Variants in SRGAP3 observed in about 807,000 individuals in gnomAD.
SRGAP3 encodes the protein SLIT-ROBO Rho GTPase activating protein 3, also known as SLIT-ROBO Rho GTPase-activating protein 3.
In SRGAP3, 39 loss-of-function variants were observed where a neutral mutation model predicts 121.1. That is an observed-to-expected ratio of 0.32 (90% CI 0.25 to 0.42). The LOEUF (loss-of-function observed/expected upper bound fraction) is 0.42. Ranked by LOEUF, SRGAP3 falls within the 10% of genes least tolerant of loss-of-function variation. The pLI is 1.00. For missense variants in SRGAP3, 1,213 were observed against 1,470.6 expected (o/e 0.82, Z 2.86); for synonymous variants, 601 against 570.0 (o/e 1.05, Z -0.77).
chr3:9,066,247 C>T (rs1428286011), intron 4 of SRGAP3, among the ~76,000 whole-genome samples: 1 of 152,188 alleles, frequency 6.6e-6, no homozygotes, highest in African/African-American at 2.4e-5. Flanking sequence ...AGTGTATGAT[C>T]ATCTTTCTAT....
intron 21 of SRGAP3, among the ~76,000 whole-genome samples, chr3:8,987,700 G>C (rs1176697513): frequency 1.5e-5 from 2 of 129,160 alleles, no homozygotes; most frequent in Non-Finnish European, 3.0e-5. Context: ...GCTTCTCCAG[G>C]ATGTTTCATC....
intron 18 of SRGAP3, chr3:9,007,438 C>T (rs1387905429): frequency 6.6e-6 from 1 of 152,122 alleles, no homozygotes; most frequent in Non-Finnish European, 1.5e-5. Flanking sequence ...CGGGTGCTGT[C>T]AAGAGCAAAG....
intron 1 of SRGAP3, among the ~76,000 whole-genome samples, chr3:9,139,797 G>A (rs114036747): frequency 0.011 from 1,704 of 152,248 alleles, 29 homozygotes; most frequent in African/African-American, 0.038. Context: ...GTCTAAAAGG[G>A]GAATGGTATT....
intron 18 of SRGAP3, among the ~76,000 whole-genome samples, chr3:9,008,924 G>A (rs745645723): frequency 2.6e-4 from 40 of 152,298 alleles, no homozygotes; most frequent in Non-Finnish European, 5.0e-4. Context: ...TGGGTAAGAT[G>A]ATGGTGAAAG....
chr3:9,294,561 A>AC (rs1244893022), intron 3 of SRGAP3, among the ~76,000 whole-genome samples: 3 of 150,392 alleles, frequency 2.0e-5, no homozygotes, highest in African/African-American at 7.3e-5. Context: ...AAAAAAAAAC[A>AC]CCAATTCTTG....
chr3:9,145,156 C>T (rs953700668), intron 1 of SRGAP3, among the ~76,000 whole-genome samples: 4 of 152,146 alleles, frequency 2.6e-5, no homozygotes, highest in South Asian at 2.1e-4. Flanking sequence ...AGTGCAGTGG[C>T]GTGATCTTGG....
At chr3:9,223,078 T>C (rs959074977) in intron 1 of SRGAP3, among the ~76,000 whole-genome samples, 3 of 152,220 alleles carry the variant, frequency 2.0e-5, no homozygotes, top group Non-Finnish European at 4.4e-5. Flanking sequence ...CAAAAAGATA[T>C]ACCGCAGGAT....
At chr3:9,082,265 A>G (rs1053524814) in intron 3 of SRGAP3, among the ~76,000 whole-genome samples, 1 of 152,242 alleles carries the variant, frequency 6.6e-6, no homozygotes, top group African/African-American at 2.4e-5. Context: ...TACAGCCTGC[A>G]GAACTGTGAG....
At chr3:9,340,166 T>A (rs934832642) in intron 1 of SRGAP3, among the ~76,000 whole-genome samples, 3 of 152,196 alleles carry the variant, frequency 2.0e-5, no homozygotes, top group Admixed American at 6.5e-5. Context: ...TTTCAGGTGA[T>A]ATTTCCCAAG....
chr3:9,083,382 T>C (rs1947324673), intron 3 of SRGAP3, among the ~76,000 whole-genome samples: 1 of 152,260 alleles, frequency 6.6e-6, no homozygotes, highest in East Asian at 1.9e-4. Context: ...CAGAGGCAAC[T>C]GCTACAAAAA....
chr3:9,056,448 G>A, intron 7 of SRGAP3, 114 bp from the exon 8 acceptor site: 1 of 1,123,470 alleles, frequency 8.9e-7, no homozygotes, highest in South Asian at 1.3e-5. Context: ...CAGGGGCTCG[G>A]AAAGGTTGAG....
In SRGAP3 at chr3:8,980,632, A is replaced by C; in HGVS notation, c.*4887T>G. 4.3e-6 allele frequency: 1 copy of C among 229,926 alleles called. No individual in the cohort carries two copies. Among genetic ancestry groups the C allele is most frequent in the Non-Finnish European group, 8.6e-6 (1 of 115,744 alleles). 14.2% of individuals were successfully genotyped at this position (229,926 alleles called of 1,614,324 possible). Reference sequence around the variant, plus strand: ...CTGTTTTATTTCACAGGATAGCTCCACGTCAAACCAGCAGGCACCATCAGA... The same window carrying C: ...CTGTTTTATTTCACAGGATAGCTCCCCGTCAAACCAGCAGGCACCATCAGA... On this transcript the variant is annotated 3_prime_UTR_variant, in exon 22 of 22. Coordinates refer to ENST00000383836, the MANE Select transcript of SRGAP3 (RefSeq NM_014850.4).
Position 8,985,677 on chromosome 3 carries a change from C to T in SRGAP3, c.3142G>A (p.Ala1048Thr). Reference protein sequence around the residue: ...TFKPALSARLAGAQLRPPPMR... With the variant: ...TFKPALSARLTGAQLRPPPMR... ...GGGGGCGGGCGGAGCTGGGCGCCAG[C>T]CAGGCGGGCGGACAGGGCTGGCTTG... Residue 1048 changes from alanine to threonine, a missense_variant, in exon 22 of 22, where the codon GCT becomes ACT. By Grantham distance (58) the Ala-to-Thr change is moderately conservative (BLOSUM62 0). Coordinates refer to ENST00000383836, the MANE Select transcript of SRGAP3 (RefSeq NM_014850.4). This position sits in a 1 kb window ranked among gnomAD's most constrained non-coding sequence, Gnocchi z 5.1. 3 of 1,595,708 alleles carry T rather than the reference C, an allele frequency of 1.9e-6. No homozygotes were observed. The South Asian group carries it at 3.3e-5, about 18-fold the overall frequency.
rs113844011 is a variant in SRGAP3, at chr3:9,007,142, G to GT, written c.2227+3165dup. 1.7e-3 allele frequency: 257 copies of GT among 150,966 alleles called. 2 individuals carry two copies. The highest frequency in any genetic ancestry group is 6.0e-3 in the African/African-American group (246 of 41,142). 9.4% of individuals were successfully genotyped at this position (150,966 alleles called of 1,614,324 possible). A position where few individuals can be genotyped will look rare whatever the true frequency, so the allele number is the denominator to read the frequency against. On this transcript the variant is annotated intron_variant, in intron 18 of 21. Coordinates refer to ENST00000383836, the MANE Select transcript of SRGAP3 (RefSeq NM_014850.4). Reference sequence around the variant, plus strand: ...ATGCCTGGCTAATTTTTGTATTTTGGTTTTTTTTGTAGAGACGGAGTTTCA... The same window carrying GT: ...ATGCCTGGCTAATTTTTGTATTTTGGTTTTTTTTTGTAGAGACGGAGTTTCA...
At chr3:9,148,439 C>G (rs1950098302) in intron 1 of SRGAP3, among the ~76,000 whole-genome samples, 1 of 152,172 alleles carries the variant, frequency 6.6e-6, no homozygotes, top group African/African-American at 2.4e-5. Flanking sequence ...CTTTTCAGAA[C>G]AGTTTACTCC....
chr3:8,992,538 C>T (rs1386553509), intron 20 of SRGAP3: 3 of 399,258 alleles, frequency 7.5e-6, no homozygotes, highest in Non-Finnish European at 4.7e-6. Context: ...GTGAGCTTTA[C>T]ATTTTTAAAT....
In SRGAP3 at chr3:9,013,299, G is replaced by T. The variant is rs757828593; in HGVS notation, c.2147+9C>A. The T allele has an allele frequency of 5.0e-6, 8 of 1,609,480 alleles. No homozygotes were observed. In the South Asian group the frequency reaches 8.8e-5, roughly 18 times the overall value. ...GATGATAATAATATTAAGAGGAATG[G>T]CATCTTACCAATATTCTTCCCCTCC... On this transcript the variant is annotated intron_variant, in intron 17 of 21. Coordinates refer to ENST00000383836, the MANE Select transcript of SRGAP3 (RefSeq NM_014850.4).
chr3:9,133,602 T>G (rs1157335248), intron 1 of SRGAP3, among the ~76,000 whole-genome samples: 1 of 152,242 alleles, frequency 6.6e-6, no homozygotes, highest in Non-Finnish European at 1.5e-5. Flanking sequence ...CAGTCTCTTT[T>G]GCTGAACATT....
chr3:9,130,271 G>GGCTTTAC (rs1182316845), intron 1 of SRGAP3, among the ~76,000 whole-genome samples: 6 of 151,986 alleles, frequency 3.9e-5, no homozygotes, highest in African/African-American at 1.5e-4. Context: ...AAGAAACCAA[G>GGCTTTAC]GCTTTACGTA....
Sources: allele counts gnomAD v4.1 joint callset (sites outside exome capture counted in the v4.1 genomes callset), GRCh38; gene constraint gnomAD v4.1.1; non-coding constraint Gnocchi (gnomAD v3.1); transcripts MANE v1.5; gene names NCBI Gene and HGNC (gene_info 2026-07-23, HGNC 2026-07-21).